MELK: variants seen among roughly 807,000 people sequenced by gnomAD.
MELK encodes maternal embryonic leucine zipper kinase.
Under a neutral mutation model 85.0 loss-of-function variants are expected in MELK, and 81 were observed. The ratio of observed to expected loss-of-function variants is 0.95; its 90% CI spans 0.80 to 1.15. The LOEUF is 1.15. MELK is among the 50% of genes most tolerant of loss of function. The probability of loss-of-function intolerance (pLI) is 0.00; values close to 1 mark genes in which losing one functional copy is unlikely to be tolerated. For synonymous variants in MELK, 252 were observed against 265.0 expected (o/e 0.95, Z 0.48); for missense variants, 754 against 777.5 (o/e 0.97, Z 0.36).
chr9:36,666,998 A>G (rs1233052988), intron 14 of MELK, among the ~76,000 whole-genome samples: 1 of 151,278 alleles, frequency 6.6e-6, no homozygotes, highest in Non-Finnish European at 1.5e-5. Context: ...GGTAGCTGCT[A>G]TTGCATTCTT....
chr9:36,638,794 C>T (rs1439453699), intron 10 of MELK, among the ~76,000 whole-genome samples: 6 of 152,138 alleles, frequency 3.9e-5, no homozygotes, highest in Non-Finnish European at 7.3e-5. Flanking sequence ...GCCAATCCTC[C>T]GAAGAAGGTA....
At chr9:36,657,867 G>A (rs1831411439) in intron 13 of MELK, among the ~76,000 whole-genome samples, 1 of 152,208 alleles carries the variant, frequency 6.6e-6, no homozygotes, top group Admixed American at 6.5e-5. Context: ...ACAGGCGTGA[G>A]CCACTGTGCC....
chr9:36,611,950 T>G (rs1428591168), intron 8 of MELK, among the ~76,000 whole-genome samples: 2 of 151,900 alleles, frequency 1.3e-5, no homozygotes, highest in Admixed American at 6.6e-5. Flanking sequence ...TTTTTGTACT[T>G]TTAGTAGAGA....
At chr9:36,589,468 T>C (rs1207387975) in intron 3 of MELK, 68 bp from the exon 4 acceptor site, 1 of 1,270,704 alleles carries the variant, frequency 7.9e-7, no homozygotes, top group African/African-American at 1.5e-5. Flanking sequence ...ATTAAAGCTG[T>C]TAGTATTGGA....
At chr9:36,658,482 C>A (rs1357928118) in intron 13 of MELK, among the ~76,000 whole-genome samples, 1 of 152,034 alleles carries the variant, frequency 6.6e-6, no homozygotes, top group Non-Finnish European at 1.5e-5. Flanking sequence ...TTGTTTTGTT[C>A]TTTTAAATAA....
intron 13 of MELK, among the ~76,000 whole-genome samples, chr9:36,658,732 C>T (rs1385610519): frequency 6.3e-4 from 1 of 1,582 alleles, no homozygotes; most frequent in Admixed American, 7.8e-3. Flanking sequence ...ACAGAGGCTC[C>T]GCTGTATCGC....
In MELK at chr9:36,673,865, T is replaced by C. The variant is rs115005590; in HGVS notation, c.1675-969T>C. 8.5e-3 allele frequency among the ~76,000 whole-genome samples: 1,290 copies of C among 152,362 alleles called. 27 individuals are homozygous for C. The highest frequency in any genetic ancestry group is 0.029 in the African/African-American group (1,199 of 41,586). The stretch of plus-strand genomic sequence containing the variant: ...TTATATCATTAGGGTTTTTTTGTTG[T>C]TGTTGTTAATTATGTTTTCGAAATC... On this transcript the variant is annotated intron_variant, in intron 16 of 17. Coordinates refer to ENST00000298048, the MANE Select transcript of MELK (RefSeq NM_014791.4).
chr9:36,621,279 A>G (rs1827393708), intron 8 of MELK, among the ~76,000 whole-genome samples: 1 of 42,586 alleles, frequency 2.3e-5, no homozygotes. Flanking sequence ...CTCAGGGAAA[A>G]AAAAAAAAAA....
At chr9:36,677,120 G>A in intron 17 of MELK, 40 bp from the exon 18 acceptor site, 2 of 1,569,076 alleles carry the variant, frequency 1.3e-6, no homozygotes, top group Non-Finnish European at 1.7e-6. Context: ...TACAGAATAT[G>A]GTTCTCCTAC....
chr9:36,573,447 A>G (rs934380621), intron 1 of MELK, among the ~76,000 whole-genome samples: 1 of 152,120 alleles, frequency 6.6e-6, no homozygotes, highest in African/African-American at 2.4e-5. Context: ...GTCCAAATCC[A>G]TCCTCTCCTA....
At chr9:36,659,175 C>G (rs1322395310) in intron 13 of MELK, among the ~76,000 whole-genome samples, 1 of 152,092 alleles carries the variant, frequency 6.6e-6, no homozygotes, top group Non-Finnish European at 1.5e-5. Flanking sequence ...GCCACTGCAC[C>G]TGGCCTTTTT....
chr9:36,647,735 C>T (rs894981464), intron 11 of MELK, among the ~76,000 whole-genome samples: 29 of 152,052 alleles, frequency 1.9e-4, no homozygotes, highest in Admixed American at 1.2e-3. Context: ...GTGACCCACC[C>T]GCCTCAGCCT....
intron 16 of MELK, among the ~76,000 whole-genome samples, chr9:36,672,143 T>C (rs555881288): frequency 9.8e-5 from 15 of 152,312 alleles, no homozygotes; most frequent in African/African-American, 3.6e-4. Context: ...GAATGTTCTG[T>C]GATCTCATTT....
intron 8 of MELK, among the ~76,000 whole-genome samples, chr9:36,619,598 G>A (rs553193336): frequency 5.9e-5 from 9 of 151,802 alleles, no homozygotes; most frequent in Admixed American, 5.9e-4. Flanking sequence ...ACAAAATGAG[G>A]TATTATGTAG....
Position 36,677,508 on chromosome 9 carries a change from T to A in MELK, c.*171T>A, listed in dbSNP as rs747767558. The A allele has an allele frequency of 1.6e-4, 86 of 545,706 alleles. No individual in the cohort carries two copies. The highest frequency in any genetic ancestry group is 2.0e-4 in the Non-Finnish European group (67 of 332,598). The allele number at this position is 545,706 out of a possible 1,614,324, so 33.8% of individuals were successfully genotyped here. ...TAAACAAAAGATATTATTTTGTGTA[T>A]GAATCTAAATCAAGCCCATCTGTCA... is the stretch of plus-strand genomic sequence containing the variant. On this transcript the variant is annotated 3_prime_UTR_variant, in exon 18 of 18. Coordinates refer to ENST00000298048, the MANE Select transcript of MELK (RefSeq NM_014791.4).
intron 16 of MELK, 141 bp downstream of exon 16, chr9:36,671,307 A>C: frequency 1.0e-6 from 1 of 976,596 alleles, no homozygotes; most frequent in Non-Finnish European, 1.4e-6. Flanking sequence ...TTTTTGAGCA[A>C]CTAAAATCTG....
At position 36,594,732 on chromosome 9, in the gene MELK, T is replaced by C. The variant is rs375693491; in HGVS notation, c.366T>C (p.Tyr122=). 5.6e-6 allele frequency: 9 copies of C among 1,614,020 alleles called. No homozygotes were observed. In the African/African-American group the frequency reaches 9.3e-5, roughly 17 times the overall value. Residue 122 remains tyrosine (Y), a synonymous_variant, in exon 5 of 18, where the codon TAT becomes TAC. Coordinates refer to ENST00000298048, the MANE Select transcript of MELK (RefSeq NM_014791.4). ...GTCAGATAGTATCTGCTGTTGCTTA[T>C]GTGCACAGCCAGGGCTATGCTCACA... ...VFRQIVSAVA[Y]VHSQGYAHRD... is the part of the protein sequence containing the mutation.
chr9:36,632,098 C>A (rs772076341), intron 9 of MELK, among the ~76,000 whole-genome samples: 13 of 152,230 alleles, frequency 8.5e-5, no homozygotes, highest in Middle Eastern at 3.2e-3. Context: ...TTACCCCGGG[C>A]TTGTTAAAAT....
At position 36,633,101 on chromosome 9, in the gene MELK, G is replaced by T; in HGVS notation, c.736-1G>T. The T allele has an allele frequency of 1.2e-6, 2 of 1,604,810 alleles. No individual in the cohort carries two copies. The highest frequency in any genetic ancestry group is 1.7e-6 in the Non-Finnish European group (2 of 1,175,716). On this transcript the variant is annotated splice_acceptor_variant, in intron 9 of 17. Transcript: ENST00000298048. LOFTEE classifies it high-confidence loss of function. ...TCTAGCTACTTTTTAATGGCCACTA[G>T]GTGGACCCAAAGAAACGGATTTCTA...
Sources: allele counts gnomAD v4.1 joint callset (sites outside exome capture counted in the v4.1 genomes callset), GRCh38; gene constraint gnomAD v4.1.1; transcripts MANE v1.5; gene names NCBI Gene and HGNC (gene_info 2026-07-23, HGNC 2026-07-21).